Variants in DPP10 observed in about 807,000 individuals in gnomAD.
DPP10 encodes inactive dipeptidyl peptidase 10.
In DPP10, 33 loss-of-function variants were observed where a neutral mutation model predicts 120.9. The observed-to-expected ratio is 0.27, with a 90% CI of 0.21 to 0.37. The LOEUF (loss-of-function observed/expected upper bound fraction) is 0.37. Among genes scored for constraint, DPP10 ranks in the 10% least tolerant of loss-of-function variants. The pLI, the probability that DPP10 is intolerant of heterozygous loss-of-function variation, is 1.00. For missense variants in DPP10, 816 were observed against 942.8 expected (o/e 0.87, Z 1.76); for synonymous variants, 337 against 326.1 (o/e 1.03, Z -0.36).
At chr2:114,644,000 T>C (rs953356869) in intron 1 of DPP10, among the ~76,000 whole-genome samples, 2 of 148,592 alleles carry the variant, frequency 1.3e-5, no homozygotes, top group African/African-American at 5.0e-5. Context: ...AGTGGCATGA[T>C]CTCGGCTCAC....
At chr2:114,536,412 T>TTC (rs1026155451) in intron 1 of DPP10, among the ~76,000 whole-genome samples, 1 of 148,048 alleles carries the variant, frequency 6.8e-6, no homozygotes, top group African/African-American at 2.5e-5. Flanking sequence ...CTTTTTCTTT[T>TTC]TTTTTTTTTT....
At chr2:115,063,633 C>A (rs1162184676) in intron 1 of DPP10, among the ~76,000 whole-genome samples, 1 of 152,192 alleles carries the variant, frequency 6.6e-6, no homozygotes, top group Non-Finnish European at 1.5e-5. Flanking sequence ...ACCATCTGAT[C>A]TTCCACAAAT....
At position 114,922,238 on chromosome 2, in the gene DPP10, T is replaced by C. The variant is rs76189475; in HGVS notation, c.61-387001T>C. Among the ~76,000 whole-genome samples the C allele has an allele frequency of 9.8e-3, 1,499 of 152,324 alleles. 20 individuals carry two copies. The highest frequency in any genetic ancestry group is 0.035 in the African/African-American group (1,445 of 41,574). ...TTCATTACCTGAAAAAGAAACCTTA[T>C]AGCAGCAGTCACCTCCCTCTCAGTT... On this transcript the variant is annotated intron_variant, in intron 1 of 25. Coordinates refer to ENST00000410059, the MANE Select transcript of DPP10 (RefSeq NM_020868.6).
At chr2:114,756,426 A>C (rs574789409) in intron 1 of DPP10, among the ~76,000 whole-genome samples, 1 of 152,350 alleles carries the variant, frequency 6.6e-6, no homozygotes, top group South Asian at 2.1e-4. Flanking sequence ...GCTGGTGAGG[A>C]GGAACACATT....
chr2:114,895,378 T>G (rs1692881510), intron 1 of DPP10, among the ~76,000 whole-genome samples: 1 of 152,234 alleles, frequency 6.6e-6, no homozygotes. Flanking sequence ...CAGTAGGATT[T>G]CATTTCTCAG....
chr2:115,383,099 T>A (rs912707783), intron 3 of DPP10, among the ~76,000 whole-genome samples: 2 of 152,198 alleles, frequency 1.3e-5, no homozygotes, highest in African/African-American at 4.8e-5. Flanking sequence ...TTTTCCACAA[T>A]GGGTAAATAG....
chr2:115,010,174 C>A (rs1329155008), intron 1 of DPP10, among the ~76,000 whole-genome samples: 1 of 152,098 alleles, frequency 6.6e-6, no homozygotes, highest in Admixed American at 6.6e-5. Flanking sequence ...TAGGTGGTGA[C>A]ACACTGTAAA....
chr2:115,114,653 A>G (rs1051124551), intron 1 of DPP10, among the ~76,000 whole-genome samples: 1 of 152,206 alleles, frequency 6.6e-6, no homozygotes, highest in African/African-American at 2.4e-5. Flanking sequence ...GAGAAAGTAA[A>G]CACACATTCT....
chr2:114,451,358 G>A (rs747782388), intron 1 of DPP10, among the ~76,000 whole-genome samples: 1 of 152,044 alleles, frequency 6.6e-6, no homozygotes, highest in African/African-American at 2.4e-5. Flanking sequence ...TGTTTGGAGG[G>A]TGATAGCTTT....
intron 1 of DPP10, among the ~76,000 whole-genome samples, chr2:115,301,088 A>G (rs1293748189): frequency 6.6e-6 from 1 of 151,992 alleles, no homozygotes; most frequent in Non-Finnish European, 1.5e-5. Context: ...ATTTCCCCAT[A>G]GACGGGGCTG....
intron 1 of DPP10, among the ~76,000 whole-genome samples, chr2:115,166,530 T>G (rs983827052): frequency 9.0e-6 from 1 of 111,110 alleles, no homozygotes; most frequent in Admixed American, 8.1e-5. Context: ...TATAAATATA[T>G]ATATAAATTT....
At chr2:115,142,295 A>C (rs1462253540) in intron 1 of DPP10, among the ~76,000 whole-genome samples, 1 of 152,178 alleles carries the variant, frequency 6.6e-6, no homozygotes, top group Non-Finnish European at 1.5e-5. Context: ...AGAGCCACAA[A>C]GGGACTCAAG....
intron 1 of DPP10, among the ~76,000 whole-genome samples, chr2:115,276,840 G>T (rs1463861151): frequency 2.6e-5 from 4 of 152,084 alleles, no homozygotes; most frequent in African/African-American, 9.7e-5. Flanking sequence ...TCTACTCCAA[G>T]GATTGCACTA....
intron 1 of DPP10, among the ~76,000 whole-genome samples, chr2:114,723,035 C>G (rs1221270239): frequency 6.6e-6 from 1 of 152,124 alleles, no homozygotes; most frequent in Non-Finnish European, 1.5e-5. Context: ...GATGGAAGTG[C>G]TCCGTGCACA....
chr2:114,779,300 C>T (rs1460624796), intron 1 of DPP10, among the ~76,000 whole-genome samples: 1 of 152,094 alleles, frequency 6.6e-6, no homozygotes, highest in Non-Finnish European at 1.5e-5. Flanking sequence ...GGCAACCAGA[C>T]TCTTCTGAGA....
intron 1 of DPP10, among the ~76,000 whole-genome samples, chr2:115,163,995 A>G (rs1243704474): frequency 1.3e-5 from 2 of 152,194 alleles, no homozygotes; most frequent in Non-Finnish European, 2.9e-5. Context: ...GTTAGTGTGC[A>G]TTTTTTAATA....
intron 1 of DPP10, among the ~76,000 whole-genome samples, chr2:114,817,303 C>CAAA (rs11347067): frequency 7.3e-6 from 1 of 136,080 alleles, no homozygotes. Context: ...GTGTCCTGGC[C>CAAA]AAAAAAAAAA....
At chr2:114,447,445 A>G (rs1367178) in intron 1 of DPP10, among the ~76,000 whole-genome samples, 10,573 of 152,250 alleles carry the variant, frequency 0.069, 553 homozygotes, top group African/African-American at 0.14. Flanking sequence ...TTAGAAATGC[A>G]AGGAATGTTT....
chr2:115,098,366 A>T (rs920737882), intron 1 of DPP10, among the ~76,000 whole-genome samples: 1 of 152,176 alleles, frequency 6.6e-6, no homozygotes, highest in East Asian at 1.9e-4. Context: ...ACCAACAGGG[A>T]TACATTCTGA....
Sources: allele counts gnomAD v4.1 joint callset (sites outside exome capture counted in the v4.1 genomes callset), GRCh38; gene constraint gnomAD v4.1.1; transcripts MANE v1.5; gene names NCBI Gene and HGNC (gene_info 2026-07-23, HGNC 2026-07-21).